The following PCDHA9 variants were observed in gnomAD, a reference collection of about 807,000 sequenced individuals.
The protein encoded by PCDHA9 is protocadherin alpha-9.
A neutral mutation model predicts 62.0 loss-of-function variants in PCDHA9; 62 were observed. That is an observed-to-expected ratio of 1.00 (90% CI 0.81 to 1.23). The LOEUF is 1.23. Among genes scored for constraint, PCDHA9 ranks in the 50% most tolerant of loss-of-function variants. PCDHA9 has a pLI of 0.00. For synonymous variants in PCDHA9, 557 were observed against 567.6 expected (o/e 0.98, Z 0.27); for missense variants, 1,205 against 1,249.8 (o/e 0.96, Z 0.54).
In PCDHA9 at chr5:140,882,159, T is replaced by C. The variant is rs1017946710; in HGVS notation, c.2394+31270T>C. 76 of 1,509,284 alleles carry C rather than the reference T, an allele frequency of 5.0e-5. No individual in the cohort carries two copies. The African/African-American group carries it at 8.9e-4, about 18-fold the overall frequency. 93.5% of individuals were successfully genotyped at this position (1,509,284 alleles called of 1,614,324 possible). On this transcript the variant is annotated intron_variant, in intron 1 of 3. Transcript: ENST00000532602. ...AAAATATAGCAGAAAGCGGAATACC[T>C]CTTGCGAATCCTTCCGCACTAGGAA...
intron 3 of PCDHA9, among the ~76,000 whole-genome samples, chr5:141,001,524 C>T (rs952372807): frequency 6.6e-6 from 1 of 152,202 alleles, no homozygotes; most frequent in Non-Finnish European, 1.5e-5. Context: ...CTCCCTCTCT[C>T]TCTGATCCTG....
chr5:140,889,028 C>G (rs1015343865), intron 1 of PCDHA9, among the ~76,000 whole-genome samples: 1 of 151,754 alleles, frequency 6.6e-6, no homozygotes. Flanking sequence ...CTTGGATAAC[C>G]GTAATTTGAT....
chr5:140,983,308 T>C (rs2153831139), intron 3 of PCDHA9, among the ~76,000 whole-genome samples: 1 of 152,322 alleles, frequency 6.6e-6, no homozygotes, highest in East Asian at 1.9e-4. Context: ...CACATTTGCT[T>C]GGTATCCTTA....
chr5:140,896,046 G>A (rs1430238321), intron 1 of PCDHA9, among the ~76,000 whole-genome samples: 2 of 151,866 alleles, frequency 1.3e-5, no homozygotes, highest in East Asian at 1.9e-4. Context: ...CCTGACCTCA[G>A]GTGATCCGCC....
chr5:140,947,038 A>G (rs2094072618), intron 1 of PCDHA9, among the ~76,000 whole-genome samples: 1 of 151,776 alleles, frequency 6.6e-6, no homozygotes, highest in Admixed American at 6.6e-5. Context: ...TATACTAATT[A>G]CCCTGATTTG....
chr5:140,866,864 G>T (rs1217408755), intron 1 of PCDHA9: 1 of 152,050 alleles, frequency 6.6e-6, no homozygotes, highest in African/African-American at 2.4e-5. Context: ...GTATTGAAAT[G>T]ACTTCTTGGT....
At chr5:140,915,682 G>A (rs1239251164) in intron 1 of PCDHA9, among the ~76,000 whole-genome samples, 1 of 151,322 alleles carries the variant, frequency 6.6e-6, no homozygotes, top group Admixed American at 6.6e-5. Context: ...CTTGAACTAG[G>A]GGTATGGTGA....
intron 1 of PCDHA9, among the ~76,000 whole-genome samples, chr5:140,920,362 T>C (rs1167382464): frequency 6.6e-6 from 1 of 152,238 alleles, no homozygotes; most frequent in African/African-American, 2.4e-5. Context: ...GTTCTATTCA[T>C]TTATTCTTGT....
At position 140,967,913 on chromosome 5, in the gene PCDHA9, A is replaced by G. The variant is rs548732358; in HGVS notation, c.2395-11036A>G. 3.7e-6 allele frequency: 6 copies of G among 1,614,184 alleles called. No homozygotes were observed. The highest frequency in any genetic ancestry group is 1.3e-5 in the African/African-American group (1 of 75,042). ...GCCTGAGAATGCTACACCCAACACC[A>G]TTGTGGCCGTTCTCAGTGTCAATGA... On this transcript the variant is annotated intron_variant, in intron 1 of 3. Transcript: ENST00000532602.
At chr5:140,991,440 C>T (rs2097452926) in intron 3 of PCDHA9, among the ~76,000 whole-genome samples, 1 of 152,190 alleles carries the variant, frequency 6.6e-6, no homozygotes, top group Non-Finnish European at 1.5e-5. Context: ...AACTTCATGG[C>T]TTAAAACAAC....
intron 1 of PCDHA9, among the ~76,000 whole-genome samples, chr5:140,903,298 A>G (rs1218115864): frequency 6.6e-6 from 1 of 152,170 alleles, no homozygotes; most frequent in Non-Finnish European, 1.5e-5. Context: ...TAGGAAATTT[A>G]GTATACAATA....
At chr5:140,950,237 ATTTG>A (rs782102459) in intron 1 of PCDHA9, among the ~76,000 whole-genome samples, 1 of 151,954 alleles carries the variant, frequency 6.6e-6, no homozygotes, top group Non-Finnish European at 1.5e-5. Flanking sequence ...AGTGCCATTA[ATTTG>A]TTCCTAAAGA....
chr5:140,968,643 A>G (rs2096261293), intron 1 of PCDHA9: 1 of 1,614,198 alleles, frequency 6.2e-7, no homozygotes. Context: ...CATCTAGCCC[A>G]GACTTCTGAC....
chr5:140,915,887 TC>T (rs1276492784), intron 1 of PCDHA9, among the ~76,000 whole-genome samples: 1 of 152,078 alleles, frequency 6.6e-6, no homozygotes, highest in African/African-American at 2.4e-5. Context: ...GGTAGCAAGT[TC>T]CCCCTGGCCC....
rs577022008 is a variant in PCDHA9, at chr5:140,921,827, C to T, written c.2395-57122C>T. Among the ~76,000 whole-genome samples, 6 of 151,924 alleles carry T rather than the reference C, an allele frequency of 3.9e-5. No homozygotes were observed. In the South Asian group the frequency reaches 1.2e-3, roughly 32 times the overall value. On this transcript the variant is annotated intron_variant, in intron 1 of 3. Coordinates refer to ENST00000532602, the MANE Select transcript of PCDHA9 (RefSeq NM_031857.2). Reference sequence around the variant, plus strand: ...TAAGATACATGTGTGAATATCTATACACATATAGACATATTTATAGATGTG... The same window carrying T: ...TAAGATACATGTGTGAATATCTATATACATATAGACATATTTATAGATGTG...
chr5:140,873,933 T>C (rs1347981327), intron 1 of PCDHA9, among the ~76,000 whole-genome samples: 3 of 152,228 alleles, frequency 2.0e-5, no homozygotes. Context: ...AGTGCTGGGA[T>C]TACAGGTGTA....
chr5:140,912,640 T>C (rs181860319), intron 1 of PCDHA9, among the ~76,000 whole-genome samples: 5 of 152,296 alleles, frequency 3.3e-5, no homozygotes, highest in Non-Finnish European at 7.4e-5. Flanking sequence ...TTCAGTACTA[T>C]GTTGAATAGA....
chr5:140,855,609 T>C (rs1471221233), intron 1 of PCDHA9, among the ~76,000 whole-genome samples: 1 of 149,748 alleles, frequency 6.7e-6, no homozygotes, highest in African/African-American at 2.5e-5. Flanking sequence ...TATGCAAATA[T>C]TAAGGGCATT....
At chr5:140,964,840 C>G (rs1270845085) in intron 1 of PCDHA9, among the ~76,000 whole-genome samples, 1 of 152,152 alleles carries the variant, frequency 6.6e-6, no homozygotes, top group Non-Finnish European at 1.5e-5. Flanking sequence ...GCTTCCTACT[C>G]TGTACCCTTG....
Sources: gnomAD v4.1 joint callset for allele counts (sites outside exome capture counted in the v4.1 genomes callset) on GRCh38, gnomAD v4.1.1 for gene constraint, MANE v1.5 for transcripts, NCBI Gene and HGNC (gene_info 2026-07-23, HGNC 2026-07-21) for gene names.